SNX13: variants seen among roughly 807,000 people sequenced by gnomAD.
SNX13 encodes sorting nexin 13.
Under a neutral mutation model 133.6 loss-of-function variants are expected in SNX13, and 45 were observed. The observed-to-expected ratio is 0.34, with a 90% CI of 0.27 to 0.43. The LOEUF is 0.43. Ranked by LOEUF, SNX13 falls within the 20% of genes least tolerant of loss-of-function variation. The pLI, the probability that SNX13 is intolerant of heterozygous loss-of-function variation, is 1.00. For missense variants in SNX13, 1,032 were observed against 1,145.1 expected (o/e 0.90, Z 1.43); for synonymous variants, 414 against 373.9 (o/e 1.11, Z -1.24).
At chr7:17,922,996 T>C in intron 1 of SNX13, among the ~76,000 whole-genome samples, 1 of 152,362 alleles carries the variant, frequency 6.6e-6, no homozygotes, top group South Asian at 2.1e-4. Context: ...AACAAAAAAA[T>C]GCATTGCAAA....
At chr7:17,802,112 AC>A (rs1401418936) in intron 21 of SNX13, among the ~76,000 whole-genome samples, 1 of 152,098 alleles carries the variant, frequency 6.6e-6, no homozygotes, top group Non-Finnish European at 1.5e-5. Context: ...AGTATTCAGT[AC>A]AGTAGCATAC....
chr7:17,873,805 T>G (rs1794389285), intron 7 of SNX13, among the ~76,000 whole-genome samples, 189 bp from the exon 8 acceptor site: 1 of 152,184 alleles, frequency 6.6e-6, no homozygotes, highest in Non-Finnish European at 1.5e-5. Context: ...TAACTATTCA[T>G]TAATCAACTT....
chr7:17,805,249 G>GCA (rs1562662714), intron 20 of SNX13, among the ~76,000 whole-genome samples: 20 of 121,698 alleles, frequency 1.6e-4, no homozygotes, highest in African/African-American at 5.9e-4. Flanking sequence ...GTGTGTGTGT[G>GCA]TGCGTGCGCG....
chr7:17,813,777 AG>A (rs1487065780), intron 20 of SNX13, among the ~76,000 whole-genome samples: 4 of 151,980 alleles, frequency 2.6e-5, no homozygotes, highest in Admixed American at 2.6e-4. Flanking sequence ...TTGTAGAGAC[AG>A]GGTCTCGCTG....
intron 9 of SNX13, among the ~76,000 whole-genome samples, chr7:17,865,140 G>A (rs1214994831): frequency 1.3e-5 from 2 of 152,136 alleles, no homozygotes; most frequent in Non-Finnish European, 2.9e-5. Flanking sequence ...ATGTTAATGA[G>A]CAATAAGAAA....
At chr7:17,814,596 T>G (rs1303051576) in intron 20 of SNX13, among the ~76,000 whole-genome samples, 1 of 152,166 alleles carries the variant, frequency 6.6e-6, no homozygotes, top group African/African-American at 2.4e-5. Context: ...CTTTTCTTAA[T>G]GTACCATTTC....
rs527343670 is a variant in SNX13, at chr7:17,803,669, C to A, written c.2065-89G>T. On this transcript the variant is annotated intron_variant, in intron 20 of 25. Transcript: ENST00000428135. ...GCCTTGGAAAATATAGAGTGCAACA[C>A]TGGAAAGATGCAGTAATTTTCTGGT... 4,036 of 1,139,058 alleles carry A rather than the reference C, an allele frequency of 3.5e-3. 15 individuals carry two copies. The highest frequency in any genetic ancestry group is 4.6e-3 in the Non-Finnish European group (3,756 of 823,628). The allele number at this position is 1,139,058 out of a possible 1,614,324, so 70.6% of individuals were successfully genotyped here. A position where few individuals can be genotyped will look rare whatever the true frequency, so the allele number is the denominator to read the frequency against.
chr7:17,890,727 A>G (rs1796535368), intron 4 of SNX13, among the ~76,000 whole-genome samples: 1 of 151,956 alleles, frequency 6.6e-6, no homozygotes, highest in Admixed American at 6.6e-5. Flanking sequence ...AAATAAAATA[A>G]AACACTATCT....
rs758314057 is a variant in SNX13, at chr7:17,803,521, T to C, written c.2124A>G (p.Lys708=). ...CCTCTGCCAAGCTATCAGGAAGGGA[T>C]TTAACTGCATTTGAAACATTCCTCA... The part of the protein sequence containing the change: ...NSMRNVSNAV[K]SLPDSLAEGM... Residue 708 remains lysine (K), a synonymous_variant, in exon 21 of 26, where the codon AAA becomes AAG. Coordinates refer to ENST00000428135, the MANE Select transcript of SNX13 (RefSeq NM_015132.5). The C allele has an allele frequency of 4.3e-6, 7 of 1,612,284 alleles. No individual in the cohort carries two copies. The highest frequency in any genetic ancestry group is 5.1e-6 in the Non-Finnish European group (6 of 1,179,220).
chr7:17,820,280 AT>A (rs1335985818), intron 18 of SNX13, among the ~76,000 whole-genome samples: 1 of 152,138 alleles, frequency 6.6e-6, no homozygotes, highest in African/African-American at 2.4e-5. Context: ...AACTCAAATT[AT>A]TTTTTAAATT....
intron 12 of SNX13, among the ~76,000 whole-genome samples, chr7:17,843,768 CT>C (rs1220786615): frequency 6.6e-6 from 1 of 151,964 alleles, no homozygotes; most frequent in Admixed American, 6.6e-5. Flanking sequence ...AAAATTAAAA[CT>C]GGAAAACTCA....
chr7:17,854,458 A>G (rs1443817362), intron 9 of SNX13, among the ~76,000 whole-genome samples: 1 of 152,226 alleles, frequency 6.6e-6, no homozygotes, highest in African/African-American at 2.4e-5. Flanking sequence ...ATGACACATC[A>G]CACTGTGTTT....
intron 22 of SNX13, 74 bp from the exon 23 acceptor site, chr7:17,799,228 C>T (rs2280629): frequency 0.021 from 26,066 of 1,241,532 alleles, 866 homozygotes; most frequent in East Asian, 0.18. Context: ...GTTGCTTTTA[C>T]GAAATGATTG....
intron 9 of SNX13, among the ~76,000 whole-genome samples, chr7:17,861,612 T>G (rs1792711826): frequency 6.6e-6 from 1 of 152,154 alleles, no homozygotes; most frequent in African/African-American, 2.4e-5. Context: ...AGTATGACCT[T>G]CTGGTGGAAT....
At chr7:17,815,012 T>C in intron 19 of SNX13, 68 bp from the exon 20 acceptor site, 2 of 1,334,388 alleles carry the variant, frequency 1.5e-6, no homozygotes, top group Non-Finnish European at 1.9e-6. Context: ...TTACCATTGT[T>C]TATAATTTTA....
intron 1 of SNX13, among the ~76,000 whole-genome samples, chr7:17,913,884 T>C (rs1000651456): frequency 6.6e-6 from 1 of 151,380 alleles, no homozygotes; most frequent in African/African-American, 2.4e-5. Context: ...ACTAGCTCCC[T>C]AGCAATGGAT....
intron 16 of SNX13, among the ~76,000 whole-genome samples, chr7:17,829,014 G>A (rs942205593): frequency 2.0e-5 from 3 of 151,442 alleles, no homozygotes; most frequent in African/African-American, 4.8e-5. Flanking sequence ...GACACCAAAT[G>A]ATTTAGGAAA....
At position 17,939,164 on chromosome 7, in the gene SNX13, G is replaced by T. The variant is rs191540787; in HGVS notation, c.12+1120C>A. Among the ~76,000 whole-genome samples, 10 of 152,268 alleles carry T rather than the reference G, an allele frequency of 6.6e-5. No homozygotes were observed. The East Asian group carries it at 1.9e-3, about 29-fold the overall frequency. On this transcript the variant is annotated intron_variant, in intron 1 of 25. Transcript: ENST00000428135. The stretch of plus-strand genomic sequence containing the variant: ...AGGACCTGAAATTTCAGGCAAGTAC[G>T]TGCTTTACCATCACTTTTCACAAAA...
intron 13 of SNX13, among the ~76,000 whole-genome samples, chr7:17,838,521 GATTT>G (rs984121309): frequency 4.6e-5 from 7 of 151,552 alleles, no homozygotes; most frequent in Admixed American, 1.3e-4. Context: ...GTTTGCCTTG[GATTT>G]ATTTTTCATT....
Sources: gnomAD v4.1 joint callset for allele counts (sites outside exome capture counted in the v4.1 genomes callset) on GRCh38, gnomAD v4.1.1 for gene constraint, MANE v1.5 for transcripts, NCBI Gene and HGNC (gene_info 2026-07-23, HGNC 2026-07-21) for gene names.